Variants in LRRC4C observed in about 807,000 individuals in gnomAD.
LRRC4C encodes the protein leucine-rich repeat-containing protein 4C.
LRRC4C carries 5 observed loss-of-function variants against 33.6 expected under a neutral mutation model. The observed-to-expected ratio is 0.15, with a 90% CI of 0.08 to 0.31. LRRC4C has a LOEUF of 0.31. LRRC4C is among the 10% of genes least tolerant of loss of function. The pLI is 1.00. For synonymous variants in LRRC4C, 329 were observed against 302.0 expected (o/e 1.09, Z -0.93); for missense variants, 560 against 796.7 (o/e 0.70, Z 3.58).
At chr11:40,932,220 G>A (rs943547574) in intron 2 of LRRC4C, among the ~76,000 whole-genome samples, 1 of 152,194 alleles carries the variant, frequency 6.6e-6, no homozygotes, top group South Asian at 2.1e-4. Context: ...CTCAGAGTGG[G>A]AAGAGAGATG....
chr11:40,237,989 T>C (rs1158508609), intron 5 of LRRC4C, among the ~76,000 whole-genome samples: 1 of 152,152 alleles, frequency 6.6e-6, no homozygotes, highest in East Asian at 1.9e-4. Context: ...ACTGTGCACT[T>C]CCTGGATTTG....
intron 2 of LRRC4C, among the ~76,000 whole-genome samples, chr11:40,875,383 C>A (rs1591963130): frequency 6.6e-6 from 1 of 152,136 alleles, no homozygotes; most frequent in Admixed American, 6.5e-5. Flanking sequence ...TTGTAATAAT[C>A]TTTTCAGCAA....
chr11:41,212,129 C>T (rs897614470), intron 1 of LRRC4C, among the ~76,000 whole-genome samples: 14 of 152,166 alleles, frequency 9.2e-5, no homozygotes, highest in South Asian at 4.1e-4. Context: ...GTCCTGGCAT[C>T]AGAGACAATA....
intron 2 of LRRC4C, among the ~76,000 whole-genome samples, chr11:40,789,721 G>T (rs1950553329): frequency 6.6e-6 from 1 of 152,132 alleles, no homozygotes; most frequent in Admixed American, 6.5e-5. Flanking sequence ...CAAATAGTTT[G>T]CTTACAAGTC....
intron 1 of LRRC4C, among the ~76,000 whole-genome samples, chr11:41,206,377 G>A (rs970329715): frequency 2.6e-5 from 4 of 152,042 alleles, no homozygotes; most frequent in African/African-American, 4.8e-5. Context: ...GTTGGGTTGC[G>A]GAGTTCTAAA....
intron 3 of LRRC4C, among the ~76,000 whole-genome samples, chr11:40,542,119 T>C (rs933957092): frequency 6.6e-6 from 1 of 151,956 alleles, no homozygotes; most frequent in Non-Finnish European, 1.5e-5. Flanking sequence ...TCTCACATTT[T>C]TTATATGACT....
chr11:41,410,416 C>CTT (rs1331907171), intron 1 of LRRC4C, among the ~76,000 whole-genome samples: 5 of 131,736 alleles, frequency 3.8e-5, no homozygotes, highest in African/African-American at 5.7e-5. Context: ...TTTTTTTTTT[C>CTT]TTTTTTTTTT....
intron 1 of LRRC4C, among the ~76,000 whole-genome samples, chr11:41,191,676 G>C (rs898712234): frequency 6.6e-6 from 1 of 152,090 alleles, no homozygotes; most frequent in Non-Finnish European, 1.5e-5. Context: ...ATTACAACTC[G>C]GGTGCTTTAG....
intron 2 of LRRC4C, among the ~76,000 whole-genome samples, chr11:40,696,891 T>C (rs976416369): frequency 6.6e-6 from 1 of 151,282 alleles, no homozygotes; most frequent in Non-Finnish European, 1.5e-5. Context: ...ATTATATGTA[T>C]ATGAATTAGC....
intron 3 of LRRC4C, among the ~76,000 whole-genome samples, chr11:40,563,827 A>C (rs914837675): frequency 2.0e-5 from 3 of 152,182 alleles, no homozygotes; most frequent in African/African-American, 7.2e-5. Flanking sequence ...TCTTTCAAAT[A>C]GTACTTTCCC....
chr11:40,365,470 GT>G (rs969954860), intron 3 of LRRC4C, among the ~76,000 whole-genome samples: 3 of 151,832 alleles, frequency 2.0e-5, no homozygotes, highest in Admixed American at 6.6e-5. Context: ...AGTTCTGCCG[GT>G]TTTTTTACCC....
At chr11:40,589,824 G>A (rs923852849) in intron 3 of LRRC4C, among the ~76,000 whole-genome samples, 1 of 149,528 alleles carries the variant, frequency 6.7e-6, no homozygotes, top group African/African-American at 2.5e-5. Flanking sequence ...CTTCTGGCTT[G>A]TAGGGTTTCT....
At chr11:41,117,436 G>A (rs575497013) in intron 1 of LRRC4C, among the ~76,000 whole-genome samples, 9 of 152,168 alleles carry the variant, frequency 5.9e-5, no homozygotes, top group South Asian at 2.1e-4. Flanking sequence ...ATAATATTAC[G>A]TGAAAATAGC....
intron 3 of LRRC4C, among the ~76,000 whole-genome samples, chr11:40,627,916 C>T (rs1296470902): frequency 6.6e-6 from 1 of 152,004 alleles, no homozygotes; most frequent in Non-Finnish European, 1.5e-5. Context: ...TAATGATGTC[C>T]TATGTTGGTT....
At chr11:40,665,984 G>A (rs1943786455) in intron 2 of LRRC4C, among the ~76,000 whole-genome samples, 1 of 152,140 alleles carries the variant, frequency 6.6e-6, no homozygotes, top group Non-Finnish European at 1.5e-5. Context: ...GTATATGTGT[G>A]TGAATGTAGA....
chr11:41,257,049 A>G (rs1948824442), intron 1 of LRRC4C, among the ~76,000 whole-genome samples: 1 of 151,986 alleles, frequency 6.6e-6, no homozygotes, highest in Non-Finnish European at 1.5e-5. Flanking sequence ...AAAACTTATC[A>G]CTAAATATCA....
At chr11:40,349,648 T>C (rs1247321648) in intron 3 of LRRC4C, among the ~76,000 whole-genome samples, 3 of 152,156 alleles carry the variant, frequency 2.0e-5, no homozygotes, top group Non-Finnish European at 2.9e-5. Flanking sequence ...GAAACCTCCA[T>C]ACTGTTATTT....
intron 1 of LRRC4C, among the ~76,000 whole-genome samples, chr11:41,227,909 T>C (rs1947614207): frequency 6.6e-6 from 1 of 152,132 alleles, no homozygotes; most frequent in African/African-American, 2.4e-5. Context: ...CTTTTCTGTT[T>C]GTGGACATTT....
chr11:41,218,742 T>TCATATG (rs1271402089), intron 1 of LRRC4C, among the ~76,000 whole-genome samples: 1 of 151,306 alleles, frequency 6.6e-6, no homozygotes, highest in African/African-American at 2.4e-5. Context: ...ATCTTAACTT[T>TCATATG]CATATGCATA....
Sources: gnomAD v4.1 joint callset for allele counts (sites outside exome capture counted in the v4.1 genomes callset) on GRCh38, gnomAD v4.1.1 for gene constraint, MANE v1.5 for transcripts, NCBI Gene and HGNC (gene_info 2026-07-23, HGNC 2026-07-21) for gene names.